The following GAB2 variants were observed in gnomAD, a reference collection of about 807,000 sequenced individuals.
The protein encoded by GAB2 is GRB2 associated binding protein 2.
GAB2 carries 26 observed loss-of-function variants against 65.5 expected under a neutral mutation model. The observed-to-expected ratio is 0.40, with a 90% CI of 0.29 to 0.55. GAB2 has a LOEUF of 0.55. GAB2 is among the 20% of genes least tolerant of loss of function. GAB2 has a pLI of 0.53. For synonymous variants in GAB2, 321 were observed against 329.6 expected (o/e 0.97, Z 0.28); for missense variants, 884 against 875.8 (o/e 1.01, Z -0.12).
intron 1 of GAB2, among the ~76,000 whole-genome samples, chr11:78,369,821 A>C (rs1260932899): frequency 6.6e-6 from 1 of 152,320 alleles, no homozygotes; most frequent in East Asian, 1.9e-4. Flanking sequence ...GAGCTTCATG[A>C]GCGCCCCCAG....
chr11:78,359,153 A>G (rs1414312982), intron 1 of GAB2, among the ~76,000 whole-genome samples: 1 of 152,198 alleles, frequency 6.6e-6, no homozygotes, highest in African/African-American at 2.4e-5. Flanking sequence ...GAAGTTCAAT[A>G]ATTAAATAAG....
At chr11:78,268,879 A>G (rs919979338) in intron 2 of GAB2, among the ~76,000 whole-genome samples, 4 of 152,310 alleles carry the variant, frequency 2.6e-5, no homozygotes, top group African/African-American at 9.6e-5. Flanking sequence ...GTTCTAGGAC[A>G]ACACAGAAAC....
At chr11:78,242,512 A>T (rs896940597) in intron 3 of GAB2, among the ~76,000 whole-genome samples, 1 of 152,138 alleles carries the variant, frequency 6.6e-6, no homozygotes, top group Non-Finnish European at 1.5e-5. Flanking sequence ...AAAACAAAAA[A>T]AAAAGAAAAA....
intron 2 of GAB2, among the ~76,000 whole-genome samples, chr11:78,277,061 C>T (rs1174146053): frequency 1.3e-5 from 2 of 152,070 alleles, no homozygotes; most frequent in African/African-American, 4.8e-5. Context: ...TTGTGATCTG[C>T]CCACCTCGGC....
At chr11:78,347,484 T>C (rs1442681467) in intron 1 of GAB2, among the ~76,000 whole-genome samples, 1 of 152,202 alleles carries the variant, frequency 6.6e-6, no homozygotes, top group Non-Finnish European at 1.5e-5. Context: ...AAGTTAATAC[T>C]TCTGAGACTT....
chr11:78,246,618 C>T (rs1469583741), intron 3 of GAB2, among the ~76,000 whole-genome samples: 1 of 152,062 alleles, frequency 6.6e-6, no homozygotes, highest in Admixed American at 6.5e-5. Flanking sequence ...CCTGCCTCAG[C>T]CACCTGAGTA....
chr11:78,380,107 G>T (rs1305469847), intron 1 of GAB2, among the ~76,000 whole-genome samples: 1 of 152,116 alleles, frequency 6.6e-6, no homozygotes, highest in Non-Finnish European at 1.5e-5. Context: ...GAGAGTGCCG[G>T]ACTATAAATC....
intron 1 of GAB2, among the ~76,000 whole-genome samples, chr11:78,317,175 G>T (rs1855625144): frequency 6.6e-6 from 1 of 152,330 alleles, no homozygotes; most frequent in East Asian, 1.9e-4. Flanking sequence ...TATAGTTTCA[G>T]TTTGGGAAGC....
Position 78,372,648 on chromosome 11 carries a change from GC to G in GAB2, c.75+44997del, listed in dbSNP as rs140404329. ...TGAATAAACCCCAGCAATCTAAGTG[GC>G]TGTCCTGGGTAGAAAGTCCAACAAT... On this transcript the variant is annotated intron_variant, in intron 1 of 9. Transcript: ENST00000361507. 2.8e-3 allele frequency among the ~76,000 whole-genome samples: 432 copies of G among 152,058 alleles called. 3 individuals carry two copies. Among genetic ancestry groups the G allele is most frequent in the African/African-American group, 9.5e-3 (391 of 41,338 alleles).
intron 1 of GAB2, among the ~76,000 whole-genome samples, chr11:78,382,941 C>A (rs1856716586): frequency 6.6e-6 from 1 of 152,210 alleles, no homozygotes; most frequent in African/African-American, 2.4e-5. Flanking sequence ...TAACGTTTCT[C>A]AGAAAACACA....
chr11:78,364,752 A>C (rs150928908), intron 1 of GAB2, among the ~76,000 whole-genome samples: 1 of 152,170 alleles, frequency 6.6e-6, no homozygotes. Context: ...TAAACCAGGG[A>C]TTTTATCAAA....
rs759066076 is a variant in GAB2, at chr11:78,223,641, G to T, written c.1338C>A (p.Thr446=). The stretch of plus-strand genomic sequence containing the variant: ...TGGGCACATAGTTGTCTTCAGAATT[G>T]GTGCTGTCCGATCGGCCCACAATCA... ...GKMIVGRSDS[T]NSEDNYVPMN... Residue 446 remains threonine (T), a synonymous_variant, in exon 6 of 10, where the codon ACC becomes ACA. Coordinates refer to ENST00000361507, the MANE Select transcript of GAB2 (RefSeq NM_080491.3). The T allele has an allele frequency of 5.0e-6, 8 of 1,610,332 alleles. No individual in the cohort carries two copies. The South Asian group carries it at 8.8e-5, about 18-fold the overall frequency.
chr11:78,395,021 C>T (rs943537907), intron 1 of GAB2, among the ~76,000 whole-genome samples: 1 of 152,150 alleles, frequency 6.6e-6, no homozygotes, highest in Non-Finnish European at 1.5e-5. Context: ...CCCTCGCCCT[C>T]TTGCTCATTT....
Position 78,217,579 on chromosome 11 carries a change from A to C in GAB2, c.*1693T>G, listed in dbSNP as rs192554230. On this transcript the variant is annotated 3_prime_UTR_variant, in exon 10 of 10. Coordinates refer to ENST00000361507, the MANE Select transcript of GAB2 (RefSeq NM_080491.3). ...AGAAGTTCTGTTCGCCCCAGGGTAGAATGAAACGTCTGGTCTGTCCTGTTG... is the reference window on the plus strand; with the variant it reads ...AGAAGTTCTGTTCGCCCCAGGGTAGCATGAAACGTCTGGTCTGTCCTGTTG... 6.6e-6 allele frequency: 1 copy of C among 152,310 alleles called. No individual in the cohort carries two copies. The highest frequency in any genetic ancestry group is 6.5e-5 in the Admixed American group (1 of 15,298). The allele number at this position is 152,310 out of a possible 1,614,324, so 9.4% of individuals were successfully genotyped here.
intron 1 of GAB2, among the ~76,000 whole-genome samples, chr11:78,381,309 G>C (rs1024310186): frequency 6.6e-6 from 1 of 152,148 alleles, no homozygotes; most frequent in Non-Finnish European, 1.5e-5. Flanking sequence ...CTTTAGGTTT[G>C]ATTTGAGGAT....
chr11:78,235,815 T>G (rs1864964403), intron 3 of GAB2, among the ~76,000 whole-genome samples: 1 of 152,196 alleles, frequency 6.6e-6, no homozygotes, highest in African/African-American at 2.4e-5. Context: ...TTCCAGACTT[T>G]CCCACATTTT....
chr11:78,345,487 T>C (rs1307550294), intron 1 of GAB2, among the ~76,000 whole-genome samples: 1 of 152,248 alleles, frequency 6.6e-6, no homozygotes, highest in Non-Finnish European at 1.5e-5. Flanking sequence ...AACTCTGATC[T>C]GTCTCTCTGT....
chr11:78,226,753 C>T lies in GAB2; in HGVS notation c.919G>A (p.Gly307Arg), dbSNP rs772565486. The change falls in exon 4 of 10, where the codon GGG becomes AGG. Residue 307 changes from glycine (G) to arginine (R), a missense_variant. Gly to Arg is a moderately radical substitution (Grantham distance 125). Transcript: ENST00000361507. ...TCCATATTGTCTACCAGGAGGTCCC[C>T]GAACTCCCTGCACAGGGTGTTGCTG... ...TPSNTLCREF[G>R]DLLVDNMDVP... 25 of 1,613,882 alleles carry T rather than the reference C, an allele frequency of 1.5e-5. No homozygotes were observed. The highest frequency in any genetic ancestry group is 1.6e-4 in the Middle Eastern group (1 of 6,084).
At chr11:78,236,394 A>G (rs1590954208) in intron 3 of GAB2, among the ~76,000 whole-genome samples, 1 of 152,154 alleles carries the variant, frequency 6.6e-6, no homozygotes, top group African/African-American at 2.4e-5. Context: ...CCAGGTATCC[A>G]CCTGCCTCAG....
Sources: allele counts gnomAD v4.1 joint callset (sites outside exome capture counted in the v4.1 genomes callset), GRCh38; gene constraint gnomAD v4.1.1; transcripts MANE v1.5; gene names NCBI Gene and HGNC (gene_info 2026-07-23, HGNC 2026-07-21).